The following MMP26 variants were observed in gnomAD, a reference collection of about 807,000 sequenced individuals.
MMP26 encodes matrix metallopeptidase 26, also known as matrix metalloproteinase-26.
A neutral mutation model predicts 31.0 loss-of-function variants in MMP26; 33 were observed. The observed-to-expected ratio is 1.06, with a 90% CI of 0.81 to 1.42. MMP26 has a LOEUF of 1.42. MMP26 is among the 40% of genes most tolerant of loss of function. The pLI is 0.00. For missense variants in MMP26, 347 were observed against 316.1 expected (o/e 1.10, Z -0.74); for synonymous variants, 122 against 114.9 (o/e 1.06, Z -0.40).
At chr11:4,742,061 G>A (rs1848319075) in intron 1 of MMP26, among the ~76,000 whole-genome samples, 1 of 152,200 alleles carries the variant, frequency 6.6e-6, no homozygotes, top group Non-Finnish European at 1.5e-5. Flanking sequence ...CTAACGCACA[G>A]CATGAGCCAG....
intron 2 of MMP26, among the ~76,000 whole-genome samples, chr11:4,804,790 C>CAAAAA (rs200468651): frequency 8.6e-6 from 1 of 116,568 alleles, no homozygotes; most frequent in Non-Finnish European, 1.9e-5. Flanking sequence ...ATTAAAAATA[C>CAAAAA]AAAAACAAAA....
chr11:4,795,641 TACATTAA>T (rs1236388363), intron 2 of MMP26, among the ~76,000 whole-genome samples: 4 of 152,220 alleles, frequency 2.6e-5, no homozygotes, highest in Admixed American at 6.5e-5. Context: ...CATTAAATGC[TACATTAA>T]ACATTAAACA....
intron 1 of MMP26, among the ~76,000 whole-genome samples, chr11:4,724,961 G>A (rs540910844): frequency 6.6e-6 from 1 of 152,304 alleles, no homozygotes; most frequent in East Asian, 1.9e-4. Flanking sequence ...TGGAGGTGGG[G>A]CCTGGTGGAA....
At chr11:4,968,005 G>A (rs929134561) in intron 2 of MMP26, among the ~76,000 whole-genome samples, 2 of 152,010 alleles carry the variant, frequency 1.3e-5, no homozygotes, top group Non-Finnish European at 2.9e-5. Flanking sequence ...TATTCTTTAT[G>A]AGTTCATTCA....
In MMP26 at chr11:4,758,063, A is replaced by T. The variant is rs190199912; in HGVS notation, c.-216-9207A>T. Among the ~76,000 whole-genome samples, 221 of 152,332 alleles carry T rather than the reference A, an allele frequency of 1.5e-3. 1 individual carries two copies. Among genetic ancestry groups the T allele is most frequent in the African/African-American group, 5.0e-3 (207 of 41,590 alleles). On this transcript the variant is annotated intron_variant, in intron 1 of 7. Transcript: ENST00000380390. The stretch of plus-strand genomic sequence containing the variant: ...ACAATACATGTATACAAGTGTTCAT[A>T]ACAACATTATTCCCAATAGCCCAGA...
chr11:4,917,075 G>A (rs1235574806), intron 2 of MMP26, among the ~76,000 whole-genome samples: 1 of 152,200 alleles, frequency 6.6e-6, no homozygotes, highest in Non-Finnish European at 1.5e-5. Flanking sequence ...CTCAAAGAGG[G>A]TAGGGGCTTT....
rs200675858 is a variant in MMP26, at chr11:4,870,323, CAT to C, written c.-145+102983_-145+102984del. ...TTATCTTTAAAATATGTTTTTAAAA[CAT>C]GTTGTTTAAATAAATAATGACACTC... On this transcript the variant is annotated intron_variant, in intron 2 of 7. Coordinates refer to ENST00000380390, the MANE Select transcript of MMP26 (RefSeq NM_021801.5). 6.5e-3 allele frequency among the ~76,000 whole-genome samples: 989 copies of C among 152,070 alleles called. 8 individuals carry two copies. The highest frequency in any genetic ancestry group is 0.023 in the African/African-American group (938 of 41,502).
chr11:4,786,849 C>T (rs1292050881), intron 2 of MMP26: 1 of 152,510 alleles, frequency 6.6e-6, no homozygotes, highest in Admixed American at 6.5e-5. Context: ...TCTCAATTCC[C>T]TTCTTCCTTC....
At chr11:4,855,931 G>A (rs1341497504) in intron 2 of MMP26, among the ~76,000 whole-genome samples, 2 of 152,194 alleles carry the variant, frequency 1.3e-5, no homozygotes, top group Non-Finnish European at 2.9e-5. Flanking sequence ...CATTCTTAAA[G>A]AAAAGAATTT....
intron 1 of MMP26, among the ~76,000 whole-genome samples, chr11:4,761,203 T>G (rs1403850854): frequency 6.6e-6 from 1 of 152,204 alleles, no homozygotes; most frequent in Non-Finnish European, 1.5e-5. Context: ...TTGTCTTTAA[T>G]TTCACTTCCA....
At chr11:4,910,347 G>C (rs1238887426) in intron 2 of MMP26, among the ~76,000 whole-genome samples, 1 of 151,880 alleles carries the variant, frequency 6.6e-6, no homozygotes, top group East Asian at 1.9e-4. Flanking sequence ...GGATAATCTT[G>C]GATATTCTGC....
chr11:4,880,814 G>T (rs1297732438), intron 2 of MMP26, among the ~76,000 whole-genome samples: 1 of 152,094 alleles, frequency 6.6e-6, no homozygotes, highest in Admixed American at 6.6e-5. Flanking sequence ...AACTTTCAGG[G>T]TATATTCTGA....
intron 2 of MMP26, among the ~76,000 whole-genome samples, chr11:4,892,469 T>A (rs1490901276): frequency 6.6e-6 from 1 of 152,192 alleles, no homozygotes; most frequent in East Asian, 1.9e-4. Flanking sequence ...GATTTGCTAT[T>A]TATGTGTCTG....
intron 1 of MMP26, among the ~76,000 whole-genome samples, chr11:4,731,064 C>T (rs1165210600): frequency 6.6e-6 from 1 of 152,142 alleles, no homozygotes; most frequent in Non-Finnish European, 1.5e-5. Context: ...CCTGCCTCAG[C>T]CTCTCGAGTA....
At chr11:4,944,506 T>G (rs918507484) in intron 2 of MMP26, 5 of 154,354 alleles carry the variant, frequency 3.2e-5, no homozygotes, top group African/African-American at 9.6e-5. Context: ...GATTTTCCAT[T>G]AATTGTGAAG....
At position 4,804,064 on chromosome 11, in the gene MMP26, A is replaced by G. The variant is rs781503454; in HGVS notation, c.-145+36723A>G. On this transcript the variant is annotated intron_variant, in intron 2 of 7. Coordinates refer to ENST00000380390, the MANE Select transcript of MMP26 (RefSeq NM_021801.5). Reference sequence around the variant, plus strand: ...CTCCACAGAAGAAAAGGCATGGATGAAGAACACCTGGATGAGGCAGGCATG... The same window carrying G: ...CTCCACAGAAGAAAAGGCATGGATGGAGAACACCTGGATGAGGCAGGCATG... 41 of 1,613,980 alleles carry G rather than the reference A, an allele frequency of 2.5e-5. No homozygotes were observed. The highest frequency in any genetic ancestry group is 3.4e-5 in the Non-Finnish European group (40 of 1,180,036).
At chr11:4,806,421 A>G (rs1411535597) in intron 2 of MMP26, among the ~76,000 whole-genome samples, 1 of 152,068 alleles carries the variant, frequency 6.6e-6, no homozygotes, top group Non-Finnish European at 1.5e-5. Context: ...TTGGGTGCAT[A>G]TATATTTAGG....
intron 2 of MMP26, among the ~76,000 whole-genome samples, chr11:4,849,694 G>A (rs1443149860): frequency 6.6e-5 from 10 of 151,814 alleles, no homozygotes; most frequent in Admixed American, 5.9e-4. Context: ...CTAAATTAAG[G>A]GGCACTCATT....
chr11:4,949,237 G>T lies in MMP26; in HGVS notation c.-144-38831G>T, dbSNP rs1249571600. Among the ~76,000 whole-genome samples the T allele has an allele frequency of 1.6e-5, 2 of 121,812 alleles. 1 individual carries two copies. The highest frequency in any genetic ancestry group is 5.6e-5 in the African/African-American group (2 of 35,978). 79.9% of individuals were successfully genotyped at this position (121,812 alleles called of 152,430 possible). On this transcript the variant is annotated intron_variant, in intron 2 of 7. Transcript: ENST00000380390. ...TTATTTTTCCCATTGTGCTACGTTT[G>T]CTATGAAATAAAAATATGGGTTTTA... is the stretch of plus-strand genomic sequence containing the variant.
Sources: allele counts gnomAD v4.1 joint callset (sites outside exome capture counted in the v4.1 genomes callset), GRCh38; gene constraint gnomAD v4.1.1; transcripts MANE v1.5; gene names NCBI Gene and HGNC (gene_info 2026-07-23, HGNC 2026-07-21).